B3GALT1: variants seen among roughly 807,000 people sequenced by gnomAD.
B3GALT1 encodes beta-1,3-galactosyltransferase 1.
B3GALT1 carries 10 observed loss-of-function variants against 23.2 expected under a neutral mutation model. That is an observed-to-expected ratio of 0.43 (90% CI 0.27 to 0.73). The LOEUF (loss-of-function observed/expected upper bound fraction) is 0.73. Among genes scored for constraint, B3GALT1 ranks in the 30% least tolerant of loss-of-function variants. The pLI is 0.21. For synonymous variants in B3GALT1, 156 were observed against 141.5 expected, an observed-to-expected ratio of 1.10 and a Z score of -0.73; for missense variants, 299 against 405.4, an observed-to-expected ratio of 0.74 and a Z score of 2.25.
intron 3 of B3GALT1, among the ~76,000 whole-genome samples, chr2:167,801,833 G>A (rs1688643390): frequency 1.3e-5 from 2 of 152,154 alleles, no homozygotes; most frequent in Non-Finnish European, 2.9e-5. Flanking sequence ...TACCATATTA[G>A]CAAGTGTTGC....
chr2:167,831,752 T>G (rs1438902798), intron 4 of B3GALT1, among the ~76,000 whole-genome samples: 1 of 152,152 alleles, frequency 6.6e-6, no homozygotes, highest in African/African-American at 2.4e-5. Flanking sequence ...GGAAGAGAGA[T>G]CAGAGATGCA....
chr2:167,560,293 C>T (rs747657070), intron 2 of B3GALT1, among the ~76,000 whole-genome samples: 6 of 152,052 alleles, frequency 3.9e-5, no homozygotes, highest in Non-Finnish European at 8.8e-5. Flanking sequence ...CCTCAAAGAG[C>T]TCCTAAAGGA....
chr2:167,365,585 TACACAC>T (rs10683932), intron 1 of B3GALT1, among the ~76,000 whole-genome samples: 1,960 of 140,454 alleles, frequency 0.014, 37 homozygotes, highest in African/African-American at 0.039. Context: ...GAGATACAAA[TACACAC>T]ACACACACAC....
chr2:167,485,641 G>T (rs907082468), intron 1 of B3GALT1, among the ~76,000 whole-genome samples: 8 of 152,178 alleles, frequency 5.3e-5, no homozygotes, highest in African/African-American at 1.9e-4. Context: ...ATGGCCGTGT[G>T]TCCTTAGTAC....
At chr2:167,613,648 C>T (rs2105433824) in intron 2 of B3GALT1, among the ~76,000 whole-genome samples, 1 of 151,624 alleles carries the variant, frequency 6.6e-6, no homozygotes, top group South Asian at 2.1e-4. Flanking sequence ...AAGCACTTTC[C>T]CTCTGAGGAT....
At chr2:167,670,071 T>C (rs535489933) in intron 3 of B3GALT1, among the ~76,000 whole-genome samples, 2 of 152,338 alleles carry the variant, frequency 1.3e-5, no homozygotes, top group East Asian at 3.9e-4. Context: ...AGCCTATCCA[T>C]GCTTTCAGTA....
chr2:167,678,940 G>A (rs1558946756), intron 3 of B3GALT1, among the ~76,000 whole-genome samples: 1 of 152,018 alleles, frequency 6.6e-6, no homozygotes, highest in Non-Finnish European at 1.5e-5. Flanking sequence ...AATGAGTAAT[G>A]TATGCACTTC....
chr2:167,303,638 CACACAT>C (rs1208933278), intron 1 of B3GALT1, among the ~76,000 whole-genome samples: 1 of 68,708 alleles, frequency 1.5e-5, no homozygotes, highest in Admixed American at 1.9e-4. Context: ...CTTGGAAACA[CACACAT>C]ACACACACAC....
intron 1 of B3GALT1, among the ~76,000 whole-genome samples, chr2:167,325,349 G>A (rs1478696862): frequency 2.6e-5 from 4 of 152,034 alleles, no homozygotes; most frequent in Non-Finnish European, 5.9e-5. Flanking sequence ...AAGCATGGCT[G>A]GGGAGGCCTC....
intron 2 of B3GALT1, among the ~76,000 whole-genome samples, chr2:167,496,481 G>A (rs1185403775): frequency 6.6e-6 from 1 of 152,128 alleles, no homozygotes; most frequent in Non-Finnish European, 1.5e-5. Flanking sequence ...CTTAGACTAG[G>A]CTGTTGGCAG....
At chr2:167,489,512 C>T (rs1163655240) in intron 1 of B3GALT1, among the ~76,000 whole-genome samples, 1 of 152,164 alleles carries the variant, frequency 6.6e-6, no homozygotes, top group African/African-American at 2.4e-5. Flanking sequence ...AGTCTGTGAT[C>T]AACTGCCAAA....
intron 2 of B3GALT1, among the ~76,000 whole-genome samples, chr2:167,566,829 G>A (rs948264727): frequency 5.3e-5 from 8 of 152,160 alleles, no homozygotes; most frequent in Non-Finnish European, 8.8e-5. Context: ...CCCTCTGGGG[G>A]TAGGAGGGTT....
intron 3 of B3GALT1, among the ~76,000 whole-genome samples, chr2:167,773,568 C>T (rs1418031154): frequency 6.6e-6 from 1 of 152,212 alleles, no homozygotes; most frequent in Non-Finnish European, 1.5e-5. Context: ...GAGCAGGACA[C>T]TGACTATATT....
At chr2:167,835,950 G>C (rs1475061939) in intron 4 of B3GALT1, among the ~76,000 whole-genome samples, 1 of 152,174 alleles carries the variant, frequency 6.6e-6, no homozygotes, top group Non-Finnish European at 1.5e-5. Context: ...AACTCCAACA[G>C]ACCTGCAGCT....
intron 1 of B3GALT1, among the ~76,000 whole-genome samples, chr2:167,327,030 A>G (rs1696907234): frequency 6.6e-6 from 1 of 151,942 alleles, no homozygotes; most frequent in African/African-American, 2.4e-5. Context: ...TCCCCAATGT[A>G]TGTTCTTGAC....
intron 1 of B3GALT1, among the ~76,000 whole-genome samples, chr2:167,400,182 G>GTGTGTGTC (rs1553517158): frequency 6.6e-6 from 1 of 151,366 alleles, no homozygotes; most frequent in East Asian, 1.9e-4. Flanking sequence ...GTGTGTGTGT[G>GTGTGTGTC]TGTGTGTGTG....
chr2:167,467,980 T>C (rs529037228), intron 1 of B3GALT1, among the ~76,000 whole-genome samples: 1 of 152,260 alleles, frequency 6.6e-6, no homozygotes, highest in South Asian at 2.1e-4. Context: ...TATAATATGT[T>C]AGTTGGTGAT....
chr2:167,747,864 A>T (rs1687676017), intron 3 of B3GALT1, among the ~76,000 whole-genome samples: 1 of 152,218 alleles, frequency 6.6e-6, no homozygotes, highest in African/African-American at 2.4e-5. Context: ...TGTAATTCTG[A>T]TCATGACTAT....
chr2:167,584,299 G>A (rs932237206), intron 2 of B3GALT1, among the ~76,000 whole-genome samples: 1 of 152,172 alleles, frequency 6.6e-6, no homozygotes, highest in African/African-American at 2.4e-5. Context: ...GAAACACAGA[G>A]ATGTGAGCCC....
Sources: gnomAD v4.1 joint callset for allele counts (sites outside exome capture counted in the v4.1 genomes callset) on GRCh38, gnomAD v4.1.1 for gene constraint, MANE v1.5 for transcripts, NCBI Gene and HGNC (gene_info 2026-07-23, HGNC 2026-07-21) for gene names.